The following RNLS variants were observed in gnomAD, a reference collection of about 807,000 sequenced individuals.
The protein encoded by RNLS is renalase, FAD dependent amine oxidase, also known as renalase.
Under a neutral mutation model 39.8 loss-of-function variants are expected in RNLS, and 39 were observed. The observed-to-expected ratio is 0.98, with a 90% CI of 0.76 to 1.28. The LOEUF (loss-of-function observed/expected upper bound fraction) is 1.28. Among genes scored for constraint, RNLS ranks in the 50% most tolerant of loss-of-function variants. The pLI is 0.00. For missense variants in RNLS, 410 were observed against 413.3 expected, an observed-to-expected ratio of 0.99 and a Z score of 0.07; for synonymous variants, 147 against 150.7, an observed-to-expected ratio of 0.98 and a Z score of 0.18.
chr10:88,427,849 T>C lies in RNLS; in HGVS notation c.527-65124A>G, dbSNP rs550471755. ...ATCCATGGCTTATGATCTCACTTCA[T>C]ATAGGAAGCAACTGAACTACAGCAT... On this transcript the variant is annotated intron_variant, in intron 4 of 6. Transcript: ENST00000331772. Among the ~76,000 whole-genome samples the C allele has an allele frequency of 7.2e-4, 109 of 152,082 alleles. 1 individual carries two copies. In the South Asian group the frequency reaches 8.5e-3, roughly 12 times the overall value.
At chr10:88,305,813 A>C (rs1844872171) in intron 6 of RNLS, among the ~76,000 whole-genome samples, 1 of 152,178 alleles carries the variant, frequency 6.6e-6, no homozygotes, top group Non-Finnish European at 1.5e-5. Flanking sequence ...TAAACTCAGC[A>C]CTGGATCAAA....
rs577640286 is a variant in RNLS at position 88,559,852 on chromosome 10, T to C, written c.526+13051A>G. On this transcript the variant is annotated intron_variant, in intron 4 of 6. Transcript: ENST00000331772. ...GTTAATTAATTAAAGTTGTGATAAG[T>C]GTTAAAAATACAAGTCACCGAAAAC... Among the ~76,000 whole-genome samples the C allele has an allele frequency of 2.6e-5, 4 of 152,190 alleles. No homozygotes were observed. The East Asian group carries it at 5.8e-4, about 22-fold the overall frequency.
chr10:88,358,828 C>G (rs538147279), intron 5 of RNLS, among the ~76,000 whole-genome samples: 1 of 152,336 alleles, frequency 6.6e-6, no homozygotes, highest in African/African-American at 2.4e-5. Flanking sequence ...TCCTCTAGCT[C>G]TCTTCAAGAC....
the RNLS span, among the ~76,000 whole-genome samples, chr10:88,263,583 C>A: frequency 6.6e-6 from 1 of 151,880 alleles, no homozygotes; most frequent in African/African-American, 2.4e-5. Context: ...TGCTCCCAAG[C>A]CCAACCCAAA....
intron 4 of RNLS, among the ~76,000 whole-genome samples, chr10:88,522,194 T>C (rs2134201023): frequency 6.6e-6 from 1 of 152,208 alleles, no homozygotes; most frequent in Admixed American, 6.6e-5. Context: ...AATACATTAA[T>C]AGTTTGCATG....
chr10:88,375,346 C>T (rs962012250), intron 4 of RNLS, among the ~76,000 whole-genome samples: 2 of 152,052 alleles, frequency 1.3e-5, no homozygotes, highest in Non-Finnish European at 2.9e-5. Context: ...GTAAGAGTTC[C>T]CCGAAGTCCC....
At chr10:88,547,541 T>C (rs905729695) in intron 4 of RNLS, among the ~76,000 whole-genome samples, 1 of 152,222 alleles carries the variant, frequency 6.6e-6, no homozygotes, top group East Asian at 1.9e-4. Flanking sequence ...ATTTTGGTTT[T>C]TCTAGTTATG....
intron 4 of RNLS, among the ~76,000 whole-genome samples, chr10:88,519,498 A>C (rs907950518): frequency 2.0e-5 from 3 of 150,806 alleles, no homozygotes; most frequent in Non-Finnish European, 4.4e-5. Context: ...TGTCTTTAAC[A>C]ACCAGAAAAA....
exon 7 of RNLS, chr10:88,274,537 G>A (rs1448031571): frequency 6.3e-6 from 1 of 159,632 alleles, no homozygotes; most frequent in East Asian, 1.7e-4. Context: ...TCCCTTTTAA[G>A]GCTAAACAAT....
intron 4 of RNLS, among the ~76,000 whole-genome samples, chr10:88,504,518 T>C (rs1003373217): frequency 6.6e-6 from 1 of 152,126 alleles, no homozygotes; most frequent in Admixed American, 6.6e-5. Context: ...TTTCCATTTT[T>C]ATGTAGTTTT....
rs191013733 is a variant in RNLS at position 88,312,258 on chromosome 10, G to A, written c.876+2208C>T. Among the ~76,000 whole-genome samples, 856 of 152,340 alleles carry A rather than the reference G, an allele frequency of 5.6e-3. 3 individuals are homozygous for A. Among genetic ancestry groups the A allele is most frequent in the Non-Finnish European group, 9.1e-3 (618 of 68,030 alleles). On this transcript the variant is annotated intron_variant, in intron 6 of 6. Coordinates refer to ENST00000331772, the MANE Select transcript of RNLS (RefSeq NM_001031709.3). ...TGAGGCAGAAGAAAAGGTCAGAGTGGAAGAAGGATTTGACCTGCTGTTGCT... is the reference window on the plus strand; with the variant it reads ...TGAGGCAGAAGAAAAGGTCAGAGTGAAAGAAGGATTTGACCTGCTGTTGCT...
chr10:88,354,328 T>C lies in RNLS; in HGVS notation c.700+8224A>G, dbSNP rs545295882. 1.5e-4 allele frequency among the ~76,000 whole-genome samples: 23 copies of C among 152,352 alleles called. No homozygotes were observed. In the East Asian group the frequency reaches 4.2e-3, roughly 28 times the overall value. On this transcript the variant is annotated intron_variant, in intron 5 of 6. Coordinates refer to ENST00000331772, the MANE Select transcript of RNLS (RefSeq NM_001031709.3). Reference sequence around the variant, plus strand: ...CCTAGCATCAATGGTCTTTACAATTTGGCATGTTTTTGCAGTGGCTGGTAC... The same window carrying C: ...CCTAGCATCAATGGTCTTTACAATTCGGCATGTTTTTGCAGTGGCTGGTAC...
intron 4 of RNLS, among the ~76,000 whole-genome samples, chr10:88,369,330 C>T (rs968131375): frequency 6.6e-6 from 1 of 152,150 alleles, no homozygotes; most frequent in Non-Finnish European, 1.5e-5. Flanking sequence ...AGACTGGCCC[C>T]TTTATGGGCT....
chr10:88,487,806 G>A (rs1049034473), intron 4 of RNLS, among the ~76,000 whole-genome samples: 4 of 152,130 alleles, frequency 2.6e-5, no homozygotes, highest in East Asian at 1.9e-4. Flanking sequence ...TGTCATAGTC[G>A]CAAATGGGAA....
At chr10:88,336,141 A>G (rs1417650083) in intron 5 of RNLS, among the ~76,000 whole-genome samples, 1 of 152,242 alleles carries the variant, frequency 6.6e-6, no homozygotes, top group Non-Finnish European at 1.5e-5. Flanking sequence ...CAGAGCAATT[A>G]CAGCTCTAGT....
chr10:88,327,048 C>T (rs1846671063), intron 5 of RNLS, among the ~76,000 whole-genome samples: 1 of 152,154 alleles, frequency 6.6e-6, no homozygotes, highest in East Asian at 1.9e-4. Flanking sequence ...TGCCTATACC[C>T]CCATTGTATC....
intron 4 of RNLS, among the ~76,000 whole-genome samples, chr10:88,383,475 A>C (rs1027952010): frequency 8.5e-5 from 13 of 152,248 alleles, no homozygotes; most frequent in African/African-American, 2.9e-4. Flanking sequence ...TGCTTTCTAC[A>C]TTTCCTGTGC....
intron 5 of RNLS, among the ~76,000 whole-genome samples, chr10:88,322,226 C>T (rs1846237573): frequency 6.6e-6 from 1 of 152,046 alleles, no homozygotes; most frequent in Non-Finnish European, 1.5e-5. Context: ...TCAATAAAAT[C>T]CAACATCCTT....
chr10:88,582,961 A>C, intron 1 of RNLS, 112 bp downstream of exon 1: 1 of 1,241,294 alleles, frequency 8.1e-7, no homozygotes, highest in Non-Finnish European at 1.1e-6. Flanking sequence ...CCGCTCAGGG[A>C]GCTGAGGGTA....
Sources: allele counts gnomAD v4.1 joint callset (sites outside exome capture counted in the v4.1 genomes callset), GRCh38; gene constraint gnomAD v4.1.1; transcripts MANE v1.5; gene names NCBI Gene and HGNC (gene_info 2026-07-23, HGNC 2026-07-21).